The following F2RL1 variants were observed in gnomAD, a reference collection of about 807,000 sequenced individuals.
The protein encoded by F2RL1 is F2R like trypsin receptor 1.
A neutral mutation model predicts 21.7 loss-of-function variants in F2RL1; 16 were observed. That is an observed-to-expected ratio of 0.74 (90% confidence interval 0.50 to 1.12). The LOEUF (loss-of-function observed/expected upper bound fraction) is 1.12, where lower values mean the gene tolerates loss of function less well. Among genes scored for constraint, F2RL1 ranks in the 50% most tolerant of loss-of-function variants. F2RL1 has a pLI of 0.00. For synonymous variants in F2RL1, 181 were observed against 186.7 expected (o/e 0.97, Z 0.25); for missense variants, 432 against 477.8 (o/e 0.90, Z 0.89).
chr5:76,827,608 T>TC (rs1001793746), intron 1 of F2RL1, among the ~76,000 whole-genome samples: 5 of 145,638 alleles, frequency 3.4e-5, no homozygotes, highest in African/African-American at 1.3e-4. Context: ...AACTTTTTTT[T>TC]TTTTTTTTTT....
chr5:76,821,559 G>T (rs1398686893), intron 1 of F2RL1, among the ~76,000 whole-genome samples: 2 of 143,008 alleles, frequency 1.4e-5, no homozygotes, highest in East Asian at 4.0e-4. Context: ...TGGTTTGGTG[G>T]TTTTTTTTTG....
intron 1 of F2RL1, among the ~76,000 whole-genome samples, chr5:76,823,539 C>T (rs1001215504): frequency 6.6e-6 from 1 of 151,826 alleles, no homozygotes; most frequent in Admixed American, 6.6e-5. Flanking sequence ...CCAACACCTC[C>T]AGCTAATTTT....
At chr5:76,830,584 T>C (rs1464026588) in intron 1 of F2RL1, among the ~76,000 whole-genome samples, 1 of 152,182 alleles carries the variant, frequency 6.6e-6, no homozygotes, top group Non-Finnish European at 1.5e-5. Flanking sequence ...CCTCTGCCTT[T>C]ATCTTAGAAA....
At chr5:76,830,094 C>A (rs1750324511) in intron 1 of F2RL1, among the ~76,000 whole-genome samples, 1 of 152,148 alleles carries the variant, frequency 6.6e-6, no homozygotes, top group South Asian at 2.1e-4. Context: ...ATTGGGGCCA[C>A]AAGCCCTCCA....
At chr5:76,830,657 A>G (rs957668868) in intron 1 of F2RL1, among the ~76,000 whole-genome samples, 1 of 152,168 alleles carries the variant, frequency 6.6e-6, no homozygotes, top group Non-Finnish European at 1.5e-5. Flanking sequence ...TTATCTTAGG[A>G]TCCTTAATTC....
At chr5:76,829,477 A>G (rs949545340) in intron 1 of F2RL1, among the ~76,000 whole-genome samples, 2 of 152,074 alleles carry the variant, frequency 1.3e-5, no homozygotes, top group Admixed American at 6.6e-5. Context: ...CAGAGTCTCA[A>G]TTTTACTGAC....
intron 1 of F2RL1, among the ~76,000 whole-genome samples, chr5:76,832,027 A>C (rs1167033711): frequency 5.3e-5 from 8 of 151,898 alleles, no homozygotes; most frequent in Admixed American, 5.2e-4. Context: ...AAAAAATAAT[A>C]AGTAAAATAA....
chr5:76,819,746 C>T (rs569285901), intron 1 of F2RL1, among the ~76,000 whole-genome samples: 12 of 152,092 alleles, frequency 7.9e-5, no homozygotes, highest in Non-Finnish European at 1.8e-4. Context: ...TTGCGCAGGG[C>T]AGGGCGGAGT....
intron 1 of F2RL1, among the ~76,000 whole-genome samples, chr5:76,823,898 T>C (rs1000195683): frequency 4.7e-5 from 7 of 149,932 alleles, no homozygotes; most frequent in Non-Finnish European, 8.9e-5. Context: ...CTGTAAGCTC[T>C]GCCTCCCGGG....
At chr5:76,829,085 C>T (rs1254913786) in intron 1 of F2RL1, among the ~76,000 whole-genome samples, 1 of 151,116 alleles carries the variant, frequency 6.6e-6, no homozygotes, top group Non-Finnish European at 1.5e-5. Flanking sequence ...CACTGCACTC[C>T]AGCCTGGGCG....
In F2RL1 at chr5:76,833,770, C is replaced by T; in HGVS notation, c.1163C>T (p.Ser388Leu). Residue 388 changes from serine (S) to leucine (L), a missense_variant, in exon 2 of 2, where the codon TCA becomes TTA. Coordinates refer to ENST00000296677, the MANE Select transcript of F2RL1 (RefSeq NM_005242.6). ...TCCAGGAAATCCAGCTCTTACTCTT[C>T]AAGTTCAACCACTGTTAAGACCTCC... ...KHSRKSSSYS[S>L]SSTTVKTSY 6.2e-7 allele frequency: 1 copy of T among 1,614,056 alleles called. No individual in the cohort carries two copies. Among genetic ancestry groups the T allele is most frequent in the Non-Finnish European group, 8.5e-7 (1 of 1,180,022 alleles).
intron 1 of F2RL1, among the ~76,000 whole-genome samples, chr5:76,827,439 C>T (rs563326055): frequency 5.4e-5 from 8 of 147,886 alleles, no homozygotes; most frequent in Non-Finnish European, 8.9e-5. Context: ...GCGGAGCTTG[C>T]GGTGAGCCGA....
intron 1 of F2RL1, among the ~76,000 whole-genome samples, chr5:76,821,956 C>T (rs1750143704): frequency 6.6e-6 from 1 of 152,090 alleles, no homozygotes; most frequent in South Asian, 2.1e-4. Context: ...AAAAAGGAAA[C>T]ATTTAATTAA....
Position 76,819,115 on chromosome 5 carries a change from T to G in F2RL1, c.-68T>G, listed in dbSNP as rs916145335. Reference sequence around the variant, plus strand: ...GCTGACTTTCTCTCGGTGCGTCCAGTGGAGCTCTGAGTTTCGAATCGGCGG... The same window carrying G: ...GCTGACTTTCTCTCGGTGCGTCCAGGGGAGCTCTGAGTTTCGAATCGGCGG... On this transcript the variant is annotated 5_prime_UTR_variant, in exon 1 of 2. Transcript: ENST00000296677. 1.5e-6 allele frequency: 2 copies of G among 1,315,854 alleles called. No individual in the cohort carries two copies. The highest frequency in any genetic ancestry group is 1.3e-5 in the South Asian group (1 of 79,192). 81.5% of individuals were successfully genotyped at this position (1,315,854 alleles called of 1,614,324 possible). A position where few individuals can be genotyped will look rare whatever the true frequency, so the allele number is the denominator to read the frequency against.
At chr5:76,832,007 C>CT (rs199532317) in intron 1 of F2RL1, among the ~76,000 whole-genome samples, 2,100 of 147,246 alleles carry the variant, frequency 0.014, 57 homozygotes, top group African/African-American at 0.049. Context: ...GACCCCATCT[C>CT]TAAAAAAAAA....
At chr5:76,831,758 CCT>C (rs986262951) in intron 1 of F2RL1, among the ~76,000 whole-genome samples, 1 of 152,050 alleles carries the variant, frequency 6.6e-6, no homozygotes, top group Non-Finnish European at 1.5e-5. Context: ...AAACTCCTGA[CCT>C]CAGGTGATCC....
chr5:76,821,231 C>G (rs905214757), intron 1 of F2RL1, among the ~76,000 whole-genome samples: 1 of 152,186 alleles, frequency 6.6e-6, no homozygotes, highest in African/African-American at 2.4e-5. Flanking sequence ...CAGGGCTTCT[C>G]TTTCCCTTTA....
At position 76,833,172 on chromosome 5, in the gene F2RL1, A is replaced by T. The variant is rs370384052; in HGVS notation, c.565A>T (p.Asn189Tyr). 3 of 1,614,028 alleles carry T rather than the reference A, an allele frequency of 1.9e-6. No homozygotes were observed. Among genetic ancestry groups the T allele is most frequent in the Non-Finnish European group, 2.5e-6 (3 of 1,180,000 alleles). The change falls in exon 2 of 2, where the codon AAC becomes TAC. Residue 189 changes from asparagine to tyrosine, a missense_variant. Transcript: ENST00000296677. ...NPMGHSRKKA[N>Y]IAIGISLAIW... ...CATGGGGCACTCCAGGAAGAAGGCA[A>T]ACATTGCCATTGGCATCTCCCTGGC...
At chr5:76,822,958 G>T (rs896754843) in intron 1 of F2RL1, among the ~76,000 whole-genome samples, 2 of 152,148 alleles carry the variant, frequency 1.3e-5, no homozygotes. Flanking sequence ...TAGGCCAAGC[G>T]TGGTGGCTCA....
Sources: allele counts gnomAD v4.1 joint callset (sites outside exome capture counted in the v4.1 genomes callset), GRCh38; gene constraint gnomAD v4.1.1; transcripts MANE v1.5; gene names NCBI Gene and HGNC (gene_info 2026-07-23, HGNC 2026-07-21).